Variants in KLHL29 observed in about 807,000 individuals in gnomAD.
The protein encoded by KLHL29 is kelch like family member 29.
A neutral mutation model predicts 80.4 loss-of-function variants in KLHL29; 21 were observed. The ratio of observed to expected loss-of-function variants is 0.26; its 90% confidence interval spans 0.19 to 0.38. KLHL29 has a LOEUF of 0.38. Among genes scored for constraint, KLHL29 ranks in the 10% least tolerant of loss-of-function variants. The pLI is 1.00. For missense variants in KLHL29, 867 were observed against 1,223.9 expected, an observed-to-expected ratio of 0.71 and a Z score of 4.35; for synonymous variants, 511 against 526.8, an observed-to-expected ratio of 0.97 and a Z score of 0.41.
At chr2:23,561,605 G>A (rs909979064) in intron 2 of KLHL29, among the ~76,000 whole-genome samples, 3 of 152,172 alleles carry the variant, frequency 2.0e-5, no homozygotes, top group Admixed American at 2.0e-4. Flanking sequence ...CGAACCTCAA[G>A]GGATAACTTA....
intron 3 of KLHL29, among the ~76,000 whole-genome samples, chr2:23,584,911 A>G (rs887726214): frequency 6.6e-6 from 1 of 151,952 alleles, no homozygotes; most frequent in Non-Finnish European, 1.5e-5. Flanking sequence ...TAATTTTTGT[A>G]TTTTTAGTGG....
At chr2:23,678,198 C>G (rs1435831630) in intron 5 of KLHL29, among the ~76,000 whole-genome samples, 1 of 152,226 alleles carries the variant, frequency 6.6e-6, no homozygotes, top group African/African-American at 2.4e-5. Context: ...TGGCTTCACT[C>G]TCCTCTAGGC....
chr2:23,495,945 C>T (rs1381010524), intron 2 of KLHL29, among the ~76,000 whole-genome samples: 2 of 152,270 alleles, frequency 1.3e-5, no homozygotes, highest in Non-Finnish European at 2.9e-5. Flanking sequence ...CTTGTTTTTA[C>T]TTACGAACCA....
intron 1 of KLHL29, among the ~76,000 whole-genome samples, chr2:23,423,327 C>G (rs1662893384): frequency 6.6e-6 from 1 of 152,230 alleles, no homozygotes; most frequent in Non-Finnish European, 1.5e-5. Context: ...CGGGCCTGAC[C>G]TCCCCAGGCC....
At chr2:23,463,088 G>GTT (rs56138371) in intron 1 of KLHL29, among the ~76,000 whole-genome samples, 11 of 142,842 alleles carry the variant, frequency 7.7e-5, no homozygotes, top group South Asian at 2.2e-4. Flanking sequence ...TTTCAGTGTA[G>GTT]TTTTTTTTTT....
At chr2:23,670,930 CT>C (rs1670710314) in intron 5 of KLHL29, among the ~76,000 whole-genome samples, 1 of 7,842 alleles carries the variant, frequency 1.3e-4, no homozygotes, top group South Asian at 6.3e-3. Flanking sequence ...CTCTCTCTCT[CT>C]CTCTCTCTCT....
chr2:23,610,401 A>G (rs1668829653), intron 3 of KLHL29, among the ~76,000 whole-genome samples: 1 of 152,168 alleles, frequency 6.6e-6, no homozygotes, highest in Non-Finnish European at 1.5e-5. Flanking sequence ...AGTTTCATGG[A>G]CATTTTCTTC....
At chr2:23,563,203 G>T (rs373767589) in intron 3 of KLHL29, among the ~76,000 whole-genome samples, 1 of 152,264 alleles carries the variant, frequency 6.6e-6, no homozygotes, top group African/African-American at 2.4e-5. Context: ...GCCAACCTGT[G>T]TTGCTGAATG....
In KLHL29 at chr2:23,503,522, C is replaced by T. The variant is rs1451769331; in HGVS notation, c.-46+27855C>T. 6.6e-6 allele frequency among the ~76,000 whole-genome samples: 1 copy of T among 152,114 alleles called. No homozygotes were observed. The highest frequency in any genetic ancestry group is 1.9e-4 in the East Asian group (1 of 5,190). On this transcript the variant is annotated intron_variant, in intron 2 of 13. Coordinates refer to ENST00000486442, the MANE Select transcript of KLHL29 (RefSeq NM_052920.2). This position sits in a 1 kb window ranked among gnomAD's most constrained non-coding sequence, Gnocchi z 4.0. ...GAAGTTAGTGTTGTCCTAGGGATGG[C>T]TCCTGGTTCACGCAGGCTCCTCATA...
intron 5 of KLHL29, chr2:23,667,792 G>C (rs1014903419): frequency 6.6e-6 from 1 of 152,440 alleles, no homozygotes; most frequent in Non-Finnish European, 1.5e-5. Context: ...TTTCTCCTTC[G>C]AGGTGACTTC....
chr2:23,555,809 C>G (rs998561134), intron 2 of KLHL29, among the ~76,000 whole-genome samples: 3 of 152,226 alleles, frequency 2.0e-5, no homozygotes, highest in African/African-American at 7.2e-5. Context: ...CAGCGCTGGC[C>G]TCTGCCCCAC....
intron 1 of KLHL29, among the ~76,000 whole-genome samples, chr2:23,434,459 T>G (rs1663282107): frequency 6.8e-6 from 1 of 146,342 alleles, no homozygotes; most frequent in Non-Finnish European, 1.5e-5. Flanking sequence ...AACCCTCCCC[T>G]CAGGTTAGGG....
chr2:23,683,923 A>G (rs536234023), intron 5 of KLHL29, among the ~76,000 whole-genome samples: 69 of 152,254 alleles, frequency 4.5e-4, no homozygotes, highest in African/African-American at 1.5e-3. Context: ...CTGTTTTTGC[A>G]GGTTTTGTGG....
intron 5 of KLHL29, chr2:23,643,336 G>A: frequency 3.6e-6 from 1 of 276,418 alleles, no homozygotes; most frequent in South Asian, 4.1e-5. Context: ...TGAGAGCACT[G>A]CCCAAGGCAA....
intron 2 of KLHL29, among the ~76,000 whole-genome samples, chr2:23,553,612 G>T (rs545445075): frequency 6.6e-6 from 1 of 152,224 alleles, no homozygotes; most frequent in Non-Finnish European, 1.5e-5. Flanking sequence ...GGGCTAGATG[G>T]TGAGGCGTAA....
At chr2:23,434,648 T>C (rs909661624) in intron 1 of KLHL29, among the ~76,000 whole-genome samples, 2 of 152,226 alleles carry the variant, frequency 1.3e-5, no homozygotes, top group African/African-American at 4.8e-5. Context: ...TGGGGTTTTA[T>C]ATACATTTTC....
chr2:23,558,022 G>A (rs947516500), intron 2 of KLHL29, among the ~76,000 whole-genome samples: 7 of 152,236 alleles, frequency 4.6e-5, no homozygotes, highest in Middle Eastern at 3.4e-3. Flanking sequence ...TTGCCATGAC[G>A]AGCGAAGGGA....
chr2:23,518,176 G>T (rs912511980), intron 2 of KLHL29, among the ~76,000 whole-genome samples: 3 of 152,178 alleles, frequency 2.0e-5, no homozygotes, highest in African/African-American at 7.2e-5. Flanking sequence ...GCCCCTCCGT[G>T]GGGACCCAGC....
At chr2:23,536,191 A>G (rs1483385776) in intron 2 of KLHL29, among the ~76,000 whole-genome samples, 2 of 152,148 alleles carry the variant, frequency 1.3e-5, no homozygotes, top group Non-Finnish European at 1.5e-5. Context: ...CACTGGTTTA[A>G]CTTGATTTTC....
Sources: gnomAD v4.1 joint callset for allele counts (sites outside exome capture counted in the v4.1 genomes callset) on GRCh38, gnomAD v4.1.1 for gene constraint, Gnocchi (gnomAD v3.1) non-coding constraint, MANE v1.5 for transcripts, NCBI Gene and HGNC (gene_info 2026-07-23, HGNC 2026-07-21) for gene names.